The following NRXN3 variants were observed in gnomAD, a reference collection of about 807,000 sequenced individuals.
NRXN3 encodes neurexin III.
Under a neutral mutation model 137.6 loss-of-function variants are expected in NRXN3, and 32 were observed. The ratio of observed to expected loss-of-function variants is 0.23; its 90% confidence interval spans 0.18 to 0.31. The LOEUF (loss-of-function observed/expected upper bound fraction) is 0.31, where lower values mean the gene tolerates loss of function less well. Ranked by LOEUF, NRXN3 falls within the 10% of genes least tolerant of loss-of-function variation. The pLI, the probability that NRXN3 is intolerant of heterozygous loss-of-function variation, is 1.00. For missense variants in NRXN3, 1,574 were observed against 2,062.5 expected, an observed-to-expected ratio of 0.76 and a Z score of 4.59; for synonymous variants, 798 against 784.5, an observed-to-expected ratio of 1.02 and a Z score of -0.29.
At chr14:78,532,375 T>TGTG (rs1555354292) in intron 4 of NRXN3, among the ~76,000 whole-genome samples, 11 of 138,660 alleles carry the variant, frequency 7.9e-5, no homozygotes, top group African/African-American at 2.4e-4. Context: ...TGATGATATT[T>TGTG]TGTGTGTGTG....
rs140869428 is a variant in NRXN3 at position 79,715,982 on chromosome 14, G to A, written c.4014+18045G>A. On this transcript the variant is annotated intron_variant, in intron 19 of 20. Coordinates refer to ENST00000335750, the MANE Select transcript of NRXN3 (RefSeq NM_001330195.2). ...TAAAGTCTGGAAGCATACCATATTCGACCAAGTAAAGTGACCAGTTAAGGT... is the reference window on the plus strand; with the variant it reads ...TAAAGTCTGGAAGCATACCATATTCAACCAAGTAAAGTGACCAGTTAAGGT... 2.6e-3 allele frequency among the ~76,000 whole-genome samples: 398 copies of A among 152,282 alleles called. 2 individuals are homozygous for A. The highest frequency in any genetic ancestry group is 2.2e-3 in the Non-Finnish European group (150 of 68,030).
At chr14:79,269,604 C>T (rs920915841) in intron 15 of NRXN3, among the ~76,000 whole-genome samples, 4 of 152,128 alleles carry the variant, frequency 2.6e-5, no homozygotes, top group African/African-American at 9.7e-5. Context: ...CCACGGTTCT[C>T]AGGCTACACG....
chr14:79,743,946 G>T (rs1003054200), intron 19 of NRXN3, among the ~76,000 whole-genome samples: 3 of 152,150 alleles, frequency 2.0e-5, no homozygotes, highest in African/African-American at 4.8e-5. Flanking sequence ...TGGGAAAAGA[G>T]AATTTCCAAA....
At chr14:79,601,156 G>A (rs1335662520) in intron 16 of NRXN3, among the ~76,000 whole-genome samples, 1 of 145,070 alleles carries the variant, frequency 6.9e-6, no homozygotes, top group African/African-American at 2.6e-5. Context: ...CGATTCTCCT[G>A]CCTCAGCCTC....
At chr14:79,816,860 C>A (rs2099253003) in intron 20 of NRXN3, among the ~76,000 whole-genome samples, 1 of 152,088 alleles carries the variant, frequency 6.6e-6, no homozygotes, top group Non-Finnish European at 1.5e-5. Context: ...CTGCAGAAAG[C>A]AACTGCAGTT....
chr14:78,897,272 G>T (rs539794164), intron 10 of NRXN3, among the ~76,000 whole-genome samples: 1 of 151,892 alleles, frequency 6.6e-6, no homozygotes, highest in Non-Finnish European at 1.5e-5. Context: ...GCAGCATCTT[G>T]CATGTCACAA....
chr14:79,070,136 A>G (rs377742431), intron 15 of NRXN3, among the ~76,000 whole-genome samples: 2 of 152,150 alleles, frequency 1.3e-5, no homozygotes, highest in African/African-American at 4.8e-5. Context: ...CATTGTACAC[A>G]AGCCTCCTAT....
At chr14:78,947,880 A>G (rs1473646533) in intron 10 of NRXN3, among the ~76,000 whole-genome samples, 1 of 152,228 alleles carries the variant, frequency 6.6e-6, no homozygotes, top group Non-Finnish European at 1.5e-5. Context: ...GAAGCAATCT[A>G]TCTGTGGAAT....
intron 4 of NRXN3, among the ~76,000 whole-genome samples, chr14:78,383,878 TCCC>T (rs1258224030): frequency 2.6e-5 from 4 of 152,196 alleles, no homozygotes; most frequent in African/African-American, 4.8e-5. Context: ...CTTATAAAAT[TCCC>T]TGATGAGGAA....
chr14:79,811,963 T>A (rs933786265), intron 20 of NRXN3, among the ~76,000 whole-genome samples: 1 of 152,104 alleles, frequency 6.6e-6, no homozygotes, highest in Non-Finnish European at 1.5e-5. Flanking sequence ...GCTTTTAAAA[T>A]CCTTAATGGT....
intron 4 of NRXN3, among the ~76,000 whole-genome samples, chr14:78,622,801 G>A (rs61976099): frequency 0.05 from 7,607 of 152,262 alleles, 258 homozygotes; most frequent in Middle Eastern, 0.15. Flanking sequence ...TGACCTTTCC[G>A]TGCTTTCATT....
chr14:79,092,106 A>T (rs1234643378), intron 15 of NRXN3, among the ~76,000 whole-genome samples: 3 of 152,134 alleles, frequency 2.0e-5, no homozygotes, highest in African/African-American at 7.2e-5. Flanking sequence ...TTCTACATCA[A>T]ACTTGAGATG....
chr14:78,469,804 AT>A (rs1385705921), intron 4 of NRXN3, among the ~76,000 whole-genome samples: 2 of 152,080 alleles, frequency 1.3e-5, no homozygotes, highest in African/African-American at 4.8e-5. Context: ...AACTTCCACC[AT>A]TTCCTTTGAG....
At chr14:79,044,265 TA>T (rs113265756) in intron 15 of NRXN3, among the ~76,000 whole-genome samples, 4,336 of 152,254 alleles carry the variant, frequency 0.028, 203 homozygotes, top group African/African-American at 0.099. Flanking sequence ...AAATGTAAAA[TA>T]GAAAGTTGAG....
chr14:79,769,383 G>GT (rs1197070606), intron 19 of NRXN3, among the ~76,000 whole-genome samples: 1 of 151,794 alleles, frequency 6.6e-6, no homozygotes, highest in Non-Finnish European at 1.5e-5. Flanking sequence ...GAAAGGTCGG[G>GT]TTACCCTCAA....
chr14:78,682,185 G>A (rs577906126), intron 6 of NRXN3, among the ~76,000 whole-genome samples: 1 of 152,000 alleles, frequency 6.6e-6, no homozygotes, highest in East Asian at 2.0e-4. Flanking sequence ...TTTTTTGTTG[G>A]TTCATTCCAG....
intron 4 of NRXN3, among the ~76,000 whole-genome samples, chr14:78,442,047 G>T (rs1256381386): frequency 6.6e-6 from 1 of 150,408 alleles, no homozygotes; most frequent in East Asian, 2.0e-4. Context: ...AGTGAGCTGA[G>T]ATCTTGCCAC....
rs796070675 is a variant in NRXN3 at position 79,865,584 on chromosome 14, A to AAAT, written c.*3621_*3623dup. 136 of 152,246 alleles carry AAAT rather than the reference A, an allele frequency of 8.9e-4. No homozygotes were observed. Among genetic ancestry groups the AAAT allele is most frequent in the African/African-American group, 3.2e-3 (131 of 41,552 alleles). 9.4% of individuals were successfully genotyped at this position (152,246 alleles called of 1,614,324 possible). A position where few individuals can be genotyped will look rare whatever the true frequency, so the allele number is the denominator to read the frequency against. On this transcript the variant is annotated 3_prime_UTR_variant, in exon 21 of 21. Coordinates refer to ENST00000335750, the MANE Select transcript of NRXN3 (RefSeq NM_001330195.2). ...GGAGAAAGTCAGGTTCAGTGATGTC[A>AAAT]AATTATGTAAAGTTTTTTTTTTGTT...
intron 8 of NRXN3, among the ~76,000 whole-genome samples, chr14:78,720,059 A>G (rs1403131673): frequency 1.3e-5 from 2 of 151,970 alleles, no homozygotes; most frequent in East Asian, 1.9e-4. Context: ...TCCTTCATAT[A>G]TACTGTTATA....
Sources: gnomAD v4.1 joint callset for allele counts (sites outside exome capture counted in the v4.1 genomes callset) on GRCh38, gnomAD v4.1.1 for gene constraint, MANE v1.5 for transcripts, NCBI Gene and HGNC (gene_info 2026-07-23, HGNC 2026-07-21) for gene names.